BCR: variants seen among roughly 807,000 people sequenced by gnomAD.
The protein encoded by BCR is BCR activator of RhoGEF and GTPase.
BCR carries 58 observed loss-of-function variants against 138.6 expected under a neutral mutation model. The ratio of observed to expected loss-of-function variants is 0.42; its 90% CI spans 0.34 to 0.52. BCR has a LOEUF of 0.52. Ranked by LOEUF, BCR falls within the 20% of genes least tolerant of loss-of-function variation. BCR has a pLI of 0.06. For missense variants in BCR, 1,599 were observed against 1,727.2 expected (o/e 0.93, Z 1.32); for synonymous variants, 786 against 730.1 (o/e 1.08, Z -1.23).
intron 2 of BCR, 54 bp downstream of exon 2, chr22:23,254,034 C>A: frequency 6.5e-7 from 1 of 1,544,072 alleles, no homozygotes; most frequent in Non-Finnish European, 8.8e-7. Context: ...CTCCCTGAAG[C>A]GCAGCCCCAT....
At chr22:23,280,657 A>G (rs770720035) in intron 8 of BCR, among the ~76,000 whole-genome samples, 4 of 152,190 alleles carry the variant, frequency 2.6e-5, no homozygotes, top group Non-Finnish European at 4.4e-5. Flanking sequence ...CGTCACAGAG[A>G]AGGAGAAGGG....
At chr22:23,215,574 CAG>C (rs1015188611) in intron 1 of BCR, among the ~76,000 whole-genome samples, 12 of 152,348 alleles carry the variant, frequency 7.9e-5, no homozygotes, top group African/African-American at 2.9e-4. Context: ...TGGTGAGCCT[CAG>C]ATATGGTTCA....
At chr22:23,182,784 C>G (rs182765145) in intron 1 of BCR, among the ~76,000 whole-genome samples, 14 of 152,324 alleles carry the variant, frequency 9.2e-5, no homozygotes, top group Admixed American at 6.5e-4. Flanking sequence ...TGCTTGCTAA[C>G]CAGCAGTCCT....
At chr22:23,271,657 C>T (rs890264439) in intron 6 of BCR, 65 bp downstream of exon 6, 11 of 1,536,236 alleles carry the variant, frequency 7.2e-6, no homozygotes, top group African/African-American at 1.4e-5. Context: ...GCAGAGGGGG[C>T]GTTGTGGAAA....
Position 23,236,954 on chromosome 22 carries a change from C to G in BCR, c.1280-16845C>G, listed in dbSNP as rs1023530267. Among the ~76,000 whole-genome samples the G allele has an allele frequency of 2.0e-5, 3 of 152,150 alleles. No homozygotes were observed. In the South Asian group the frequency reaches 6.2e-4, roughly 32 times the overall value. ...AGGCAAGAGTGTTGGGCAGGGTGAC[C>G]TGATTGAGCCAAGCTGTTATTCTTC... is the stretch of plus-strand genomic sequence containing the variant. On this transcript the variant is annotated intron_variant, in intron 1 of 22. Coordinates refer to ENST00000305877, the MANE Select transcript of BCR (RefSeq NM_004327.4).
chr22:23,276,839 C>T (rs2073583509), intron 8 of BCR, among the ~76,000 whole-genome samples: 1 of 152,264 alleles, frequency 6.6e-6, no homozygotes, highest in African/African-American at 2.4e-5. Context: ...GTCCGCTCTC[C>T]CTCACTGCTA....
chr22:23,234,783 G>C (rs1196953188), intron 1 of BCR, among the ~76,000 whole-genome samples: 1 of 144,342 alleles, frequency 6.9e-6, no homozygotes, highest in Non-Finnish European at 1.6e-5. Flanking sequence ...CCAGTCGTGG[G>C]CCCTGATGCG....
At chr22:23,187,095 G>T (rs1380742848) in intron 1 of BCR, among the ~76,000 whole-genome samples, 1 of 152,108 alleles carries the variant, frequency 6.6e-6, no homozygotes, top group Non-Finnish European at 1.5e-5. Context: ...AGGGAGCCTG[G>T]TTCTGAGCTT....
chr22:23,289,502 T>G lies in BCR; in HGVS notation c.2603-15T>G. ...CAGATTGACCAATTGGTGCACCTCT[T>G]TTCCAACCTCCCAGGTTTCAGAAGC... On this transcript the variant is annotated splice_polypyrimidine_tract_variant and intron_variant, in intron 12 of 22. Coordinates refer to ENST00000305877, the MANE Select transcript of BCR (RefSeq NM_004327.4). 1 of 1,610,412 alleles carries G rather than the reference T, an allele frequency of 6.2e-7. No individual in the cohort carries two copies. Among genetic ancestry groups the G allele is most frequent in the Non-Finnish European group, 8.5e-7 (1 of 1,176,608 alleles).
chr22:23,234,115 A>T (rs2072994144), intron 1 of BCR, among the ~76,000 whole-genome samples: 1 of 152,152 alleles, frequency 6.6e-6, no homozygotes, highest in South Asian at 2.1e-4. Context: ...GACCATGTGC[A>T]GCTGGACTCT....
At chr22:23,201,605 C>G (rs2072554457) in intron 1 of BCR, among the ~76,000 whole-genome samples, 1 of 152,140 alleles carries the variant, frequency 6.6e-6, no homozygotes, top group Non-Finnish European at 1.5e-5. Flanking sequence ...CTACAGGCAC[C>G]CACCACCATG....
chr22:23,223,312 A>G (rs1343919393), intron 1 of BCR, among the ~76,000 whole-genome samples: 2 of 152,130 alleles, frequency 1.3e-5, no homozygotes, highest in Non-Finnish European at 2.9e-5. Flanking sequence ...GTATGTGCAC[A>G]CTTGTGTGTG....
At position 23,275,444 on chromosome 22, in the gene BCR, C is replaced by T. The variant is rs1039676943; in HGVS notation, c.2115+1670C>T. ...TGATTTAGTGGCAGTCCTCGCCATC[C>T]GTGTTGGCTCCTTGGCAGTCTCTGA... On this transcript the variant is annotated intron_variant, in intron 8 of 22. Coordinates refer to ENST00000305877, the MANE Select transcript of BCR (RefSeq NM_004327.4). Among the ~76,000 whole-genome samples, 5 of 152,218 alleles carry T rather than the reference C, an allele frequency of 3.3e-5. No homozygotes were observed. The East Asian group carries it at 5.8e-4, about 18-fold the overall frequency.
At chr22:23,252,870 C>G (rs2073247457) in intron 1 of BCR, among the ~76,000 whole-genome samples, 3 of 152,214 alleles carry the variant, frequency 2.0e-5, no homozygotes, top group South Asian at 2.1e-4. Flanking sequence ...TCTGCAGACA[C>G]CAGCTGGGTG....
Position 23,264,397 on chromosome 22 carries a change from A to C in BCR, c.1752+2857A>C. The C allele has an allele frequency of 3.8e-6, 3 of 786,470 alleles. No individual in the cohort carries two copies. The South Asian group carries it at 4.4e-5, about 11-fold the overall frequency. 48.7% of individuals were successfully genotyped at this position (786,470 alleles called of 1,614,324 possible). A position where few individuals can be genotyped will look rare whatever the true frequency, so the allele number is the denominator to read the frequency against. On this transcript the variant is annotated intron_variant, in intron 4 of 22. Coordinates refer to ENST00000305877, the MANE Select transcript of BCR (RefSeq NM_004327.4). ...CCCCTGCCTGTGGGCCAAGGAGACC[A>C]GTGAGTCAGGGACCTCTCTTGCATG...
Position 23,315,720 on chromosome 22 carries a change from G to A in BCR, c.*198G>A. 3 of 669,364 alleles carry A rather than the reference G, an allele frequency of 4.5e-6. No individual in the cohort carries two copies. Among genetic ancestry groups the A allele is most frequent in the Non-Finnish European group, 8.2e-6 (3 of 367,280 alleles). The allele number at this position is 669,364 out of a possible 1,614,324, so 41.5% of individuals were successfully genotyped here. ...CGCCCAGGTCTGGGAGCCCCAGGCT[G>A]GCCTCAGACTGTGGTTTTTTATGTG... On this transcript the variant is annotated 3_prime_UTR_variant, in exon 23 of 23. Coordinates refer to ENST00000305877, the MANE Select transcript of BCR (RefSeq NM_004327.4).
chr22:23,312,162 G>A (rs1271386472), intron 19 of BCR, among the ~76,000 whole-genome samples: 1 of 152,204 alleles, frequency 6.6e-6, no homozygotes, highest in Non-Finnish European at 1.5e-5. Context: ...GTGTGAGGAT[G>A]CGGCAGGCAG....
chr22:23,242,858 C>A (rs758568372), intron 1 of BCR: 1 of 455,672 alleles, frequency 2.2e-6, no homozygotes, highest in Non-Finnish European at 4.4e-6. Context: ...TCCGCAGGGC[C>A]AGGCTGTCTC....
At chr22:23,258,928 C>T (rs2073325988) in intron 2 of BCR, among the ~76,000 whole-genome samples, 1 of 152,244 alleles carries the variant, frequency 6.6e-6, no homozygotes, top group African/African-American at 2.4e-5. Flanking sequence ...GACACCGGAC[C>T]TGGCACCACC....
Sources: allele counts gnomAD v4.1 joint callset (sites outside exome capture counted in the v4.1 genomes callset), GRCh38; gene constraint gnomAD v4.1.1; transcripts MANE v1.5; gene names NCBI Gene and HGNC (gene_info 2026-07-23, HGNC 2026-07-21).